Variants in SRGAP1 observed in about 807,000 individuals in gnomAD.
SRGAP1 encodes the protein SLIT-ROBO Rho GTPase-activating protein 1.
SRGAP1 carries 43 observed loss-of-function variants against 121.9 expected under a neutral mutation model. That is an observed-to-expected ratio of 0.35 (90% confidence interval 0.28 to 0.46). SRGAP1 has a LOEUF of 0.46. SRGAP1 is among the 20% of genes least tolerant of loss of function. SRGAP1 has a pLI of 1.00. For synonymous variants in SRGAP1, 447 were observed against 485.4 expected (o/e 0.92, Z 1.04); for missense variants, 1,102 against 1,350.9 (o/e 0.82, Z 2.89).
In SRGAP1 at chr12:63,948,838, CATATATATATTTTCCAT is replaced by C. The variant is rs1195017327; in HGVS notation, c.68-35097_68-35081del. Among the ~76,000 whole-genome samples, 495 of 117,462 alleles carry C rather than the reference CATATATATATTTTCCAT, an allele frequency of 4.2e-3. 13 individuals are homozygous for C. Among genetic ancestry groups the C allele is most frequent in the Admixed American group, 0.019 (223 of 11,500 alleles). The allele number at this position is 117,462 out of a possible 152,430, so 77.1% of individuals were successfully genotyped here. On this transcript the variant is annotated intron_variant, in intron 1 of 21. Coordinates refer to ENST00000355086, the MANE Select transcript of SRGAP1 (RefSeq NM_020762.4). Reference sequence around the variant, plus strand: ...ATATATGTTTTCCATATATATATTCCATATATATATTTTCCATATATATATATTCCATATATATATTT... The same window carrying C: ...ATATATGTTTTCCATATATATATTCCATATATATATTCCATATATATATTT...
At chr12:63,919,497 TAC>T (rs2030945070) in intron 1 of SRGAP1, among the ~76,000 whole-genome samples, 1 of 116,568 alleles carries the variant, frequency 8.6e-6, no homozygotes, top group African/African-American at 3.8e-5. Flanking sequence ...AACTTAACAT[TAC>T]ATATATATAT....
chr12:64,152,180 TG>T lies in SRGAP1; in HGVS notation c.*9509del, dbSNP rs2037126435. 6.6e-6 allele frequency: 1 copy of T among 152,212 alleles called. No homozygotes were observed. Among genetic ancestry groups the T allele is most frequent in the Non-Finnish European group, 1.5e-5 (1 of 68,034 alleles). The allele number at this position is 152,212 out of a possible 1,614,324, so 9.4% of individuals were successfully genotyped here. ...AACATGTATTGAGTACCAGACTCCATGCTACAAATGTTAACCCTCATAAGAA... is the reference window on the plus strand; with the variant it reads ...AACATGTATTGAGTACCAGACTCCATCTACAAATGTTAACCCTCATAAGAA... On this transcript the variant is annotated 3_prime_UTR_variant, in exon 22 of 22. Transcript: ENST00000355086.
chr12:63,913,191 CTTCTTTTTTTT>C (rs747092834), intron 1 of SRGAP1, among the ~76,000 whole-genome samples: 11,154 of 111,300 alleles, frequency 0.1, 618 homozygotes, highest in Admixed American at 0.12. Flanking sequence ...CTGGTAAATC[CTTCTTTTTTTT>C]TTTTTTTTTT....
At chr12:64,031,954 G>T (rs2034790484) in intron 4 of SRGAP1, among the ~76,000 whole-genome samples, 2 of 152,116 alleles carry the variant, frequency 1.3e-5, no homozygotes, top group South Asian at 4.1e-4. Context: ...CAAAATCCAG[G>T]TTTGTTGTTC....
intron 1 of SRGAP1, among the ~76,000 whole-genome samples, chr12:63,950,069 G>A (rs999927094): frequency 2.0e-5 from 3 of 152,168 alleles, no homozygotes; most frequent in South Asian, 4.1e-4. Flanking sequence ...TCAGGCTGCC[G>A]GTTTGAAGAG....
intron 8 of SRGAP1, among the ~76,000 whole-genome samples, chr12:64,073,649 G>A (rs933589048): frequency 3.3e-5 from 5 of 151,676 alleles, no homozygotes; most frequent in African/African-American, 1.2e-4. Context: ...TAAATGCTAT[G>A]TAAATAGTTA....
intron 3 of SRGAP1, among the ~76,000 whole-genome samples, chr12:64,012,640 A>T (rs1369094076): frequency 7.2e-6 from 1 of 139,190 alleles, no homozygotes. Context: ...GCAGCCTCGA[A>T]CTCTTAGGTT....
rs184113082 is a variant in SRGAP1 at position 64,141,503 on chromosome 12, C to T, written c.2881-792C>T. On this transcript the variant is annotated intron_variant, in intron 21 of 21. Transcript: ENST00000355086. ...GCTGAGGCAGGAGAATTGTTTGAAC[C>T]CGGGAGGCAGAGGTTGCAGTGAGCC... Among the ~76,000 whole-genome samples, 381 of 152,112 alleles carry T rather than the reference C, an allele frequency of 2.5e-3. 1 individual carries two copies. The highest frequency in any genetic ancestry group is 8.8e-3 in the African/African-American group (364 of 41,506).
In SRGAP1 at chr12:64,126,056, C is replaced by T. The variant is rs141097943; in HGVS notation, c.2304C>T (p.Ala768=). The T allele has an allele frequency of 1.7e-4, 276 of 1,614,192 alleles. 1 individual carries two copies. In the African/African-American group the frequency reaches 3.5e-3, roughly 21 times the overall value. The stretch of plus-strand genomic sequence containing the variant: ...GAGAACTATCCTTCAAGAAGGGTGC[C>T]TCCCTGCTGCTGTATCACCGTGCAT... ...SARELSFKKG[A]SLLLYHRASE... is the part of the protein sequence containing the mutation. The change falls in exon 19 of 22, where the codon GCC becomes GCT. Residue 768 remains alanine (A), a synonymous_variant. Coordinates refer to ENST00000355086, the MANE Select transcript of SRGAP1 (RefSeq NM_020762.4).
chr12:64,072,149 G>GTGTGTGTGT (rs1159654414), intron 8 of SRGAP1, among the ~76,000 whole-genome samples: 13 of 18,432 alleles, frequency 7.1e-4, no homozygotes, highest in Non-Finnish European at 2.2e-3. Context: ...TGTGTGTGTG[G>GTGTGTGTGT]GCGGCGGGGG....
At chr12:63,864,460 A>C (rs1480074888) in intron 1 of SRGAP1, among the ~76,000 whole-genome samples, 1 of 152,182 alleles carries the variant, frequency 6.6e-6, no homozygotes, top group Admixed American at 6.5e-5. Context: ...TCAGGAGTCA[A>C]ACTGCTAGGG....
At chr12:63,980,028 C>T (rs1267021855) in intron 1 of SRGAP1, among the ~76,000 whole-genome samples, 1 of 152,290 alleles carries the variant, frequency 6.6e-6, no homozygotes, top group East Asian at 1.9e-4. Context: ...AGTGTGGGGC[C>T]GAGTGCACCA....
chr12:64,091,125 A>T (rs896715646), intron 11 of SRGAP1, 151 bp from the exon 12 acceptor site: 4 of 448,510 alleles, frequency 8.9e-6, no homozygotes, highest in Admixed American at 4.2e-5. Context: ...AAAGTAAATA[A>T]ATGGGAAATG....
chr12:63,942,648 T>C (rs757540766), intron 1 of SRGAP1, among the ~76,000 whole-genome samples: 14 of 152,224 alleles, frequency 9.2e-5, no homozygotes, highest in Non-Finnish European at 1.5e-4. Flanking sequence ...ATTATTACCA[T>C]CACAGACACT....
At chr12:63,980,171 G>A (rs775189296) in intron 1 of SRGAP1, among the ~76,000 whole-genome samples, 4 of 152,202 alleles carry the variant, frequency 2.6e-5, no homozygotes, top group Non-Finnish European at 5.9e-5. Context: ...TTGCACCTCA[G>A]CCTCCTGGGT....
intron 1 of SRGAP1, among the ~76,000 whole-genome samples, chr12:63,876,144 G>A (rs988501379): frequency 6.6e-6 from 1 of 152,118 alleles, no homozygotes. Flanking sequence ...TGAAAAGATT[G>A]AAGAAATGGT....
chr12:64,084,948 G>T (rs2035911707), intron 10 of SRGAP1, among the ~76,000 whole-genome samples: 2 of 151,740 alleles, frequency 1.3e-5, no homozygotes, highest in Admixed American at 1.3e-4. Context: ...TTTGTATTTG[G>T]CTTTAGGCAT....
chr12:63,881,571 G>A (rs780043113), intron 1 of SRGAP1, among the ~76,000 whole-genome samples: 16 of 152,158 alleles, frequency 1.1e-4, no homozygotes, highest in Non-Finnish European at 1.6e-4. Context: ...TAAAATGGAA[G>A]TAATAATAGT....
rs2037131630 is a variant in SRGAP1, at chr12:64,152,813, ATT to A, written c.*10144_*10145del. ...CAGCTGGCATTAATTGTTCTGTTACATTTTGTTTTCATTAAATCAGGCTCCCT... is the reference window on the plus strand; with the variant it reads ...CAGCTGGCATTAATTGTTCTGTTACATTGTTTTCATTAAATCAGGCTCCCT... On this transcript the variant is annotated 3_prime_UTR_variant, in exon 22 of 22. Coordinates refer to ENST00000355086, the MANE Select transcript of SRGAP1 (RefSeq NM_020762.4). 1 of 149,072 alleles carries A rather than the reference ATT, an allele frequency of 6.7e-6. No individual in the cohort carries two copies. The highest frequency in any genetic ancestry group is 1.5e-5 in the Non-Finnish European group (1 of 67,682). The allele number at this position is 149,072 out of a possible 1,614,324, so 9.2% of individuals were successfully genotyped here. A position where few individuals can be genotyped will look rare whatever the true frequency, so the allele number is the denominator to read the frequency against.
Sources: gnomAD v4.1 joint callset for allele counts (sites outside exome capture counted in the v4.1 genomes callset) on GRCh38, gnomAD v4.1.1 for gene constraint, MANE v1.5 for transcripts, NCBI Gene and HGNC (gene_info 2026-07-23, HGNC 2026-07-21) for gene names.